Variants in DGLUCY observed in about 807,000 individuals in gnomAD.
DGLUCY encodes the protein D-glutamate cyclase, mitochondrial.
DGLUCY carries 58 observed loss-of-function variants against 58.5 expected under a neutral mutation model. The ratio of observed to expected loss-of-function variants is 0.99; its 90% CI spans 0.80 to 1.23. The LOEUF is 1.23. DGLUCY is among the 50% of genes most tolerant of loss of function. DGLUCY has a pLI of 0.00. For missense variants in DGLUCY, 779 were observed against 784.7 expected, an observed-to-expected ratio of 0.99 and a Z score of 0.09; for synonymous variants, 325 against 314.1, an observed-to-expected ratio of 1.03 and a Z score of -0.37.
chr14:91,205,754 C>CTTTTCTTCTTCTTCTTCTTCT (rs1555406030), intron 12 of DGLUCY, among the ~76,000 whole-genome samples: 8 of 129,828 alleles, frequency 6.2e-5, no homozygotes, highest in African/African-American at 2.4e-4. Context: ...CCAGGGCATT[C>CTTTTCTTCTTCTTCTTCTTCT]TCTTCTTCTT....
At chr14:91,158,395 A>G (rs1309244863) in intron 2 of DGLUCY, among the ~76,000 whole-genome samples, 2 of 152,234 alleles carry the variant, frequency 1.3e-5, no homozygotes, top group African/African-American at 4.8e-5. Context: ...CACAGCTATT[A>G]AAGTACTCAC....
Position 91,062,611 on chromosome 14 carries a change from A to ATATATATATATAT in DGLUCY, c.-82+1907_-82+1908insTATATATATATAT, listed in dbSNP as rs1491583254. Among the ~76,000 whole-genome samples the ATATATATATATAT allele has an allele frequency of 1.2e-4, 3 of 25,102 alleles. 1 individual carries two copies. Among genetic ancestry groups the ATATATATATATAT allele is most frequent in the African/African-American group, 4.0e-4 (2 of 5,032 alleles). The allele number at this position is 25,102 out of a possible 152,430, so 16.5% of individuals were successfully genotyped here. Reference sequence around the variant, plus strand: ...TATATATATATATATATATATATATAAACAATCCTTAGCTCAAGGGCAGTT... The same window carrying ATATATATATATAT: ...TATATATATATATATATATATATATATATATATATATATAACAATCCTTAGCTCAAGGGCAGTT... On this transcript the variant is annotated intron_variant, in intron 1 of 4. Coordinates refer to the DGLUCY transcript ENST00000521334.
chr14:91,068,988 A>G lies in DGLUCY; in HGVS notation c.-82+8284A>G, dbSNP rs942070063. 1.7e-4 allele frequency among the ~76,000 whole-genome samples: 26 copies of G among 152,358 alleles called. 1 individual carries two copies. Among genetic ancestry groups the G allele is most frequent in the South Asian group, 1.4e-3 (7 of 4,834 alleles). The stretch of plus-strand genomic sequence containing the variant: ...AGGGGTGTTTCCCAAAGGGGAAAGG[A>G]GACTTGTGTTATTAGGGAAGAGTGA... On this transcript the variant is annotated intron_variant, in intron 1 of 4. Coordinates refer to the DGLUCY transcript ENST00000521334.
At position 91,167,787 on chromosome 14, in the gene DGLUCY, G is replaced by A. The variant is rs1250172152; in HGVS notation, c.257+409G>A. The A allele has an allele frequency of 1.1e-5, 7 of 636,996 alleles. No homozygotes were observed. In the East Asian group the frequency reaches 1.9e-4, roughly 17 times the overall value. 39.5% of individuals were successfully genotyped at this position (636,996 alleles called of 1,614,324 possible). A position where few individuals can be genotyped will look rare whatever the true frequency, so the allele number is the denominator to read the frequency against. On this transcript the variant is annotated intron_variant, in intron 4 of 13. Coordinates refer to ENST00000256324, the MANE Select transcript of DGLUCY (RefSeq NM_001102368.3). Reference sequence around the variant, plus strand: ...TTAAACTAGAACCTATCTAGTAAATGGCCCTACTGATGCTGGGTCGGTGTA... The same window carrying A: ...TTAAACTAGAACCTATCTAGTAAATAGCCCTACTGATGCTGGGTCGGTGTA...
At position 91,206,812 on chromosome 14, in the gene DGLUCY, G is replaced by A. The variant is rs1884779045; in HGVS notation, c.1564+1987G>A. The stretch of plus-strand genomic sequence containing the variant: ...AAACAGAGTCAGACATGTCAGAAAT[G>A]ACGGGATTATCAGACCTGGAATTCT... On this transcript the variant is annotated intron_variant, in intron 12 of 13. Coordinates refer to ENST00000256324, the MANE Select transcript of DGLUCY (RefSeq NM_001102368.3). Among the ~76,000 whole-genome samples the A allele has an allele frequency of 3.3e-5, 5 of 152,144 alleles. No homozygotes were observed. The South Asian group carries it at 1.0e-3, about 32-fold the overall frequency.
At chr14:91,167,651 A>G (rs1041277629) in intron 4 of DGLUCY, 4 of 704,918 alleles carry the variant, frequency 5.7e-6, no homozygotes, top group Admixed American at 2.0e-5. Context: ...CCATCTGTCC[A>G]CTCCATCGCC....
At chr14:91,158,555 A>G (rs530379581) in intron 2 of DGLUCY, among the ~76,000 whole-genome samples, 1 of 152,316 alleles carries the variant, frequency 6.6e-6, no homozygotes, top group African/African-American at 2.4e-5. Context: ...GAAAACATAA[A>G]TTGGTGGTTT....
At chr14:91,093,472 A>G (rs1003880156) in intron 1 of DGLUCY, among the ~76,000 whole-genome samples, 6 of 152,192 alleles carry the variant, frequency 3.9e-5, no homozygotes, top group Non-Finnish European at 8.8e-5. Context: ...CCATGCAGCA[A>G]TATGAATGAA....
chr14:91,204,844 G>A lies in DGLUCY; in HGVS notation c.1564+19G>A, dbSNP rs367681266. ...ATTGCTGGTGAGCACTCGGATGGCC[G>A]CCCAGTCCGGCCGGCTACCCAGGGT... On this transcript the variant is annotated intron_variant, in intron 12 of 13. Coordinates refer to ENST00000256324, the MANE Select transcript of DGLUCY (RefSeq NM_001102368.3). 68 of 1,613,284 alleles carry A rather than the reference G, an allele frequency of 4.2e-5. No individual in the cohort carries two copies. Among genetic ancestry groups the A allele is most frequent in the South Asian group, 3.3e-5 (3 of 91,038 alleles).
chr14:91,111,954 A>C (rs530327094), upstream of DGLUCY, among the ~76,000 whole-genome samples: 338 of 152,240 alleles, frequency 2.2e-3, no homozygotes, highest in Non-Finnish European at 3.5e-3. Flanking sequence ...AAAGCTTAAC[A>C]TGGCCTGGCA....
intron 12 of DGLUCY, among the ~76,000 whole-genome samples, chr14:91,209,204 A>C (rs1364372097): frequency 6.6e-6 from 1 of 152,076 alleles, no homozygotes; most frequent in Non-Finnish European, 1.5e-5. Flanking sequence ...CAGAGGTTGC[A>C]GTAAGCCGAG....
At chr14:91,114,692 G>A (rs1251205196) in intron 1 of DGLUCY, 1 of 152,322 alleles carries the variant, frequency 6.6e-6, no homozygotes, top group Non-Finnish European at 1.5e-5. Flanking sequence ...TAATCGAGGT[G>A]GCAATTGGGG....
At chr14:91,113,985 AG>A (rs1234439627), upstream of DGLUCY, 1 of 152,338 alleles carries the variant, frequency 6.6e-6, no homozygotes, top group East Asian at 1.9e-4. Context: ...TGCAGGGTCC[AG>A]CCAGCTGCCA....
intron 1 of DGLUCY, among the ~76,000 whole-genome samples, chr14:91,084,536 T>C (rs367776406): frequency 1.4e-4 from 21 of 151,792 alleles, no homozygotes; most frequent in African/African-American, 4.4e-4. Context: ...TTCTCCTCCA[T>C]CCCTCCCACC....
chr14:91,196,354 C>T, intron 9 of DGLUCY, 21 bp from the exon 10 acceptor site: 4 of 1,608,328 alleles, frequency 2.5e-6, no homozygotes, highest in Non-Finnish European at 3.4e-6. Flanking sequence ...GATGTGTGCC[C>T]TGCTTGCCTT....
At chr14:91,068,191 A>G (rs1334501657) in intron 1 of DGLUCY, among the ~76,000 whole-genome samples, 1 of 151,998 alleles carries the variant, frequency 6.6e-6, no homozygotes, top group Non-Finnish European at 1.5e-5. Flanking sequence ...TTACCTTTTG[A>G]TGCACCAGAT....
intron 1 of DGLUCY, among the ~76,000 whole-genome samples, chr14:91,142,570 G>C (rs779249873): frequency 2.0e-5 from 3 of 152,046 alleles, no homozygotes; most frequent in African/African-American, 7.2e-5. Flanking sequence ...CCCCAGAAAA[G>C]TGCACCTCAA....
At chr14:91,150,708 G>A (rs1347053520) in intron 1 of DGLUCY, among the ~76,000 whole-genome samples, 1 of 152,140 alleles carries the variant, frequency 6.6e-6, no homozygotes, top group Non-Finnish European at 1.5e-5. Flanking sequence ...TTCCAGGCAT[G>A]AGCCACCACA....
exon 1 of DGLUCY, chr14:91,060,426 C>G (rs749741829): frequency 6.7e-7 from 1 of 1,489,918 alleles, no homozygotes; most frequent in Non-Finnish European, 9.0e-7. Flanking sequence ...TGCCACCCTC[C>G]TCCTCCATCT....
Sources: gnomAD v4.1 joint callset for allele counts (sites outside exome capture counted in the v4.1 genomes callset) on GRCh38, gnomAD v4.1.1 for gene constraint, MANE v1.5 for transcripts, NCBI Gene and HGNC (gene_info 2026-07-23, HGNC 2026-07-21) for gene names.